The following SOCS2 variants were observed in gnomAD, a reference collection of about 807,000 sequenced individuals.
SOCS2 encodes the protein suppressor of cytokine signaling 2, also known as CIS-2.
Under a neutral mutation model 18.6 loss-of-function variants are expected in SOCS2, and 10 were observed. The observed-to-expected ratio is 0.54, with a 90% CI of 0.33 to 0.91. The LOEUF is 0.91. SOCS2 is among the 40% of genes least tolerant of loss of function. The probability of loss-of-function intolerance (pLI) is 0.02; values close to 1 mark genes in which losing one functional copy is unlikely to be tolerated. For missense variants in SOCS2, 231 were observed against 247.2 expected, an observed-to-expected ratio of 0.93 and a Z score of 0.44; for synonymous variants, 104 against 104.0, an observed-to-expected ratio of 1.00 and a Z score of 0.00.
chr12:93,606,528 G>A, the SOCS2 span, among the ~76,000 whole-genome samples: 3 of 152,036 alleles, frequency 2.0e-5, no homozygotes, highest in Non-Finnish European at 4.4e-5. Context: ...AGGGCTGAGA[G>A]TTCTTGGCCT....
chr12:93,581,609 A>G (rs1170236585), downstream of SOCS2, among the ~76,000 whole-genome samples: 2 of 152,144 alleles, frequency 1.3e-5, no homozygotes, highest in Non-Finnish European at 2.9e-5. Context: ...CTCAGCTCTA[A>G]TAGATCAGGG....
rs1399364966 is a variant in SOCS2 at position 93,574,704 on chromosome 12, T to C, written c.140-18T>C. ...TGTTTTACCCTCTTTTCTTTTTCTT[T>C]TTGAACAAAAACCCCAGGATGGTAC... On this transcript the variant is annotated intron_variant, in intron 1 of 1. Coordinates refer to ENST00000551556, the MANE Select transcript of SOCS2 (RefSeq NM_001270471.2). 1 of 1,547,382 alleles carries C rather than the reference T, an allele frequency of 6.5e-7. No individual in the cohort carries two copies. Among genetic ancestry groups the C allele is most frequent in the African/African-American group, 1.4e-5 (1 of 72,088 alleles).
chr12:93,590,391 T>A, the SOCS2 span, among the ~76,000 whole-genome samples: 2 of 152,174 alleles, frequency 1.3e-5, no homozygotes, highest in African/African-American at 4.8e-5. Context: ...CTCAATCTGG[T>A]AACCAGAGAG....
chr12:93,614,539 CCTTCTT>C, the SOCS2 span, among the ~76,000 whole-genome samples: 2 of 82,522 alleles, frequency 2.4e-5, no homozygotes, highest in African/African-American at 7.1e-5. Flanking sequence ...TTCCTTCCTT[CCTTCTT>C]TCTTTCTTTC....
At chr12:93,603,451 G>T in the SOCS2 span, among the ~76,000 whole-genome samples, 1 of 146,154 alleles carries the variant, frequency 6.8e-6, no homozygotes, top group South Asian at 2.1e-4. Flanking sequence ...ACAGCCTAAG[G>T]CTACAGCCTA....
upstream of SOCS2, chr12:93,571,912 G>C: frequency 2.3e-6 from 1 of 430,314 alleles, no homozygotes; most frequent in Non-Finnish European, 4.6e-6. Context: ...GGCCGAGGTC[G>C]AGGTAAGAGC....
chr12:93,620,819 A>G, the SOCS2 span, among the ~76,000 whole-genome samples: 1 of 152,378 alleles, frequency 6.6e-6, no homozygotes, highest in Non-Finnish European at 1.5e-5. Flanking sequence ...ACTACACCAG[A>G]TAAGTTTAAC....
the SOCS2 span, among the ~76,000 whole-genome samples, chr12:93,618,775 T>C: frequency 2.6e-5 from 4 of 151,060 alleles, no homozygotes; most frequent in Admixed American, 6.6e-5. Context: ...AAAGCTATTA[T>C]GTTAATATGG....
the SOCS2 span, among the ~76,000 whole-genome samples, chr12:93,599,363 T>C: frequency 6.6e-6 from 1 of 152,124 alleles, no homozygotes; most frequent in Non-Finnish European, 1.5e-5. Flanking sequence ...GGTCTTGCAA[T>C]GTTGCCCAGG....
the SOCS2 span, among the ~76,000 whole-genome samples, chr12:93,623,886 G>T: frequency 3.9e-5 from 6 of 152,034 alleles, no homozygotes; most frequent in African/African-American, 1.4e-4. Context: ...TGTATTTTTA[G>T]TAAAGACAGG....
At chr12:93,603,072 G>A in the SOCS2 span, among the ~76,000 whole-genome samples, 15 of 152,280 alleles carry the variant, frequency 9.9e-5, no homozygotes, top group African/African-American at 3.6e-4. Context: ...ACCTTGGTCC[G>A]AGACCAAGTC....
chr12:93,589,798 G>A, the SOCS2 span, among the ~76,000 whole-genome samples: 2 of 152,206 alleles, frequency 1.3e-5, no homozygotes, highest in East Asian at 1.9e-4. Context: ...ACATGTAGAC[G>A]TTTCCAAGTT....
At chr12:93,572,135 C>A, upstream of SOCS2, 1 of 169,558 alleles carries the variant, frequency 5.9e-6, no homozygotes, top group South Asian at 1.3e-4. This position sits in a 1 kb window ranked among gnomAD's most constrained non-coding sequence, Gnocchi z 5.0. Flanking sequence ...GGGAGGGGAG[C>A]GAGGAGCCTC....
the SOCS2 span, among the ~76,000 whole-genome samples, chr12:93,625,993 G>A: frequency 6.6e-6 from 1 of 152,028 alleles, no homozygotes; most frequent in Non-Finnish European, 1.5e-5. Flanking sequence ...ATGAGAAAAA[G>A]GCCTGATAAA....
chr12:93,589,401 A>T, the SOCS2 span, among the ~76,000 whole-genome samples: 1 of 152,216 alleles, frequency 6.6e-6, no homozygotes, highest in Admixed American at 6.5e-5. Context: ...TCATAAAATA[A>T]TACAAAATGT....
upstream of SOCS2, chr12:93,571,763 C>T (rs1196303902): frequency 1.5e-5 from 5 of 328,884 alleles, no homozygotes; most frequent in Non-Finnish European, 3.0e-5. Flanking sequence ...ATCTCGTTCC[C>T]AAATTAAACG....
downstream of SOCS2, among the ~76,000 whole-genome samples, chr12:93,583,697 C>T (rs114158193): frequency 8.3e-3 from 1,264 of 152,282 alleles, 13 homozygotes; most frequent in African/African-American, 0.029. Context: ...GGTTTTATTA[C>T]GTCCAAGGCG....
chr12:93,590,007 A>G, the SOCS2 span, among the ~76,000 whole-genome samples: 2 of 152,116 alleles, frequency 1.3e-5, no homozygotes, highest in African/African-American at 2.4e-5. Context: ...TAATCCCAGC[A>G]CTTTGGGAGG....
the SOCS2 span, among the ~76,000 whole-genome samples, chr12:93,588,996 G>T: frequency 2.6e-5 from 4 of 152,206 alleles, no homozygotes; most frequent in African/African-American, 4.8e-5. Context: ...ATTTCCTCCA[G>T]CAGTTTTCTG....
Sources: allele counts gnomAD v4.1 joint callset (sites outside exome capture counted in the v4.1 genomes callset), GRCh38; gene constraint gnomAD v4.1.1; non-coding constraint Gnocchi (gnomAD v3.1); transcripts MANE v1.5; gene names NCBI Gene and HGNC (gene_info 2026-07-23, HGNC 2026-07-21).